VSTM2A: variants seen among roughly 807,000 people sequenced by gnomAD.
VSTM2A encodes the protein V-set and transmembrane domain containing 2A.
A neutral mutation model predicts 27.3 loss-of-function variants in VSTM2A; 13 were observed. The observed-to-expected ratio is 0.48, with a 90% CI of 0.31 to 0.76. VSTM2A has a LOEUF of 0.76. VSTM2A is among the 30% of genes least tolerant of loss of function. The pLI is 0.05. For missense variants in VSTM2A, 280 were observed against 310.0 expected (o/e 0.90, Z 0.73); for synonymous variants, 142 against 125.7 (o/e 1.13, Z -0.87).
intron 4 of VSTM2A, among the ~76,000 whole-genome samples, chr7:54,566,683 A>G (rs1788734587): frequency 6.6e-6 from 1 of 152,242 alleles, no homozygotes; most frequent in African/African-American, 2.4e-5. Context: ...TACTAATATG[A>G]CAAGAATAAA....
At chr7:54,542,855 G>A (rs1183857628) in intron 1 of VSTM2A, 46 bp downstream of exon 1, 1 of 1,556,848 alleles carries the variant, frequency 6.4e-7, no homozygotes, top group South Asian at 1.1e-5. Context: ...GCGTGTGTGT[G>A]TGTTTCCTAC....
intron 4 of VSTM2A, chr7:54,552,622 ACTT>A (rs1178281884): frequency 1.3e-5 from 2 of 152,156 alleles, no homozygotes; most frequent in African/African-American, 4.8e-5. Context: ...TGGAAGACAC[ACTT>A]CTTCTCCTCA....
rs557521176 is a variant in VSTM2A at position 54,569,252 on chromosome 7, C to G, written c.*33C>G. ...CACAAGGAGCGCCTGCTTCCGGAAG[C>G]ATAAATGAAGAGGCTATCACATGCT... is the stretch of plus-strand genomic sequence containing the variant. On this transcript the variant is annotated 3_prime_UTR_variant, in exon 5 of 5. Transcript: ENST00000402613. 62 of 1,551,330 alleles carry G rather than the reference C, an allele frequency of 4.0e-5. 1 individual carries two copies. The South Asian group carries it at 6.5e-4, about 16-fold the overall frequency.
At chr7:54,558,647 T>A (rs1275745505) in intron 4 of VSTM2A, 1 of 151,924 alleles carries the variant, frequency 6.6e-6, no homozygotes, top group African/African-American at 2.4e-5. Context: ...GAATAGATAT[T>A]AAAGAAAATA....
intron 4 of VSTM2A, among the ~76,000 whole-genome samples, chr7:54,553,140 GCTAA>G (rs753266211): frequency 1.1e-4 from 17 of 152,176 alleles, no homozygotes; most frequent in Non-Finnish European, 2.2e-4. Flanking sequence ...ACAAGATAAA[GCTAA>G]CTGTTATTTA....
chr7:54,564,095 G>A (rs1017050379), intron 4 of VSTM2A, among the ~76,000 whole-genome samples: 25 of 152,250 alleles, frequency 1.6e-4, no homozygotes, highest in African/African-American at 5.8e-4. Flanking sequence ...TTGAAGGGCC[G>A]CGTCTACTCG....
chr7:54,542,638 C>T lies in VSTM2A; in HGVS notation c.-93C>T, dbSNP rs2115736746. 4 of 1,143,160 alleles carry T rather than the reference C, an allele frequency of 3.5e-6. No individual in the cohort carries two copies. Among genetic ancestry groups the T allele is most frequent in the African/African-American group, 1.5e-5 (1 of 65,314 alleles). 70.8% of individuals were successfully genotyped at this position (1,143,160 alleles called of 1,614,324 possible). A position where few individuals can be genotyped will look rare whatever the true frequency, so the allele number is the denominator to read the frequency against. ...GATGTTTGCAGTGTCGCGCCCAGGG[C>T]TCTGAGACTGAGCCTGCCATCCACT... is the stretch of plus-strand genomic sequence containing the variant. On this transcript the variant is annotated 5_prime_UTR_variant, in exon 1 of 5. Coordinates refer to ENST00000402613, the MANE Select transcript of VSTM2A (RefSeq NM_001301009.2).
intron 4 of VSTM2A, among the ~76,000 whole-genome samples, chr7:54,562,424 C>G (rs938661510): frequency 3.3e-5 from 5 of 151,946 alleles, no homozygotes; most frequent in Non-Finnish European, 7.4e-5. Flanking sequence ...AGATTTTTCT[C>G]TGACAGTATT....
intron 4 of VSTM2A, chr7:54,553,796 C>A: frequency 1.9e-6 from 3 of 1,540,140 alleles, no homozygotes; most frequent in Non-Finnish European, 2.6e-6. Flanking sequence ...GACTCAACGC[C>A]CCTCCACCAT....
Position 54,542,384 on chromosome 7 carries a change from G to A in VSTM2A, c.-347G>A, listed in dbSNP as rs1002626625. On this transcript the variant is annotated 5_prime_UTR_variant, in exon 1 of 5. Transcript: ENST00000402613. ...CGCTTGCCCACTCCCCACTTCCCGA[G>A]CCGGCTCCGTGTTTAGGGAGGGCAG... 2 of 347,468 alleles carry A rather than the reference G, an allele frequency of 5.8e-6. No homozygotes were observed. Among genetic ancestry groups the A allele is most frequent in the Admixed American group, 4.5e-5 (1 of 22,050 alleles). 21.5% of individuals were successfully genotyped at this position (347,468 alleles called of 1,614,324 possible).
At chr7:54,551,859 A>G (rs1190081435) in intron 4 of VSTM2A, 1 of 152,208 alleles carries the variant, frequency 6.6e-6, no homozygotes, top group Non-Finnish European at 1.5e-5. Flanking sequence ...TCCAAGTTAG[A>G]TGTCATCAAT....
At chr7:54,563,353 A>G (rs761151136) in intron 4 of VSTM2A, among the ~76,000 whole-genome samples, 3 of 152,188 alleles carry the variant, frequency 2.0e-5, no homozygotes, top group Non-Finnish European at 4.4e-5. Context: ...CAGTAAAATG[A>G]TTATGATTAC....
intron 1 of VSTM2A, 23 bp downstream of exon 1, chr7:54,542,832 T>C: frequency 6.2e-7 from 1 of 1,605,054 alleles, no homozygotes. Flanking sequence ...CAATGGCAAA[T>C]ATACATTTGC....
chr7:54,544,096 T>A (rs1397290875), intron 1 of VSTM2A, among the ~76,000 whole-genome samples: 1 of 152,244 alleles, frequency 6.6e-6, no homozygotes, highest in Non-Finnish European at 1.5e-5. Context: ...GTGTGCAACT[T>A]GTTTCACTGC....
At chr7:54,545,737 G>T (rs1043626027) in intron 2 of VSTM2A, among the ~76,000 whole-genome samples, 1 of 119,356 alleles carries the variant, frequency 8.4e-6, no homozygotes, top group African/African-American at 3.5e-5. Context: ...AAAAGGGAGA[G>T]AGGGAAGGGA....
chr7:54,561,187 AG>A (rs1788551357), intron 4 of VSTM2A, among the ~76,000 whole-genome samples: 1 of 152,230 alleles, frequency 6.6e-6, no homozygotes, highest in East Asian at 1.9e-4. Flanking sequence ...AAATATTATA[AG>A]GGTTGTGAAG....
At chr7:54,542,896 A>G in intron 1 of VSTM2A, 87 bp downstream of exon 1, 2 of 1,281,594 alleles carry the variant, frequency 1.6e-6, no homozygotes, top group Non-Finnish European at 2.2e-6. Flanking sequence ...CAGATAGAAT[A>G]AGCTTCCTAG....
In VSTM2A at chr7:54,550,107, C is replaced by G. The variant is rs1385412851; in HGVS notation, c.571C>G (p.Arg191Gly). 6.8e-6 allele frequency: 11 copies of G among 1,607,786 alleles called. No homozygotes were observed. Among genetic ancestry groups the G allele is most frequent in the Non-Finnish European group, 8.5e-6 (10 of 1,177,128 alleles). The change falls in exon 4 of 5, where the codon CGA becomes GGA. Residue 191 changes from arginine (R) to glycine (G), a missense_variant. Arg to Gly is a moderately radical substitution (Grantham distance 125). Coordinates refer to ENST00000402613, the MANE Select transcript of VSTM2A (RefSeq NM_001301009.2). Reference sequence around the variant, plus strand: ...CAGCATCCATGGCTCTGCCAACCAACGAACGCACTCCACCTCCAGCCCTCA... The same window carrying G: ...CAGCATCCATGGCTCTGCCAACCAAGGAACGCACTCCACCTCCAGCCCTCA... The part of the protein sequence containing the change: ...PSSIHGSANQ[R>G]THSTSSPQVV...
At chr7:54,561,374 G>T (rs886752560) in intron 4 of VSTM2A, among the ~76,000 whole-genome samples, 1 of 132,642 alleles carries the variant, frequency 7.5e-6, no homozygotes, top group Non-Finnish European at 1.6e-5. Flanking sequence ...ATGTAATTTG[G>T]TGAACGTTTA....
Sources: allele counts gnomAD v4.1 joint callset (sites outside exome capture counted in the v4.1 genomes callset), GRCh38; gene constraint gnomAD v4.1.1; transcripts MANE v1.5; gene names NCBI Gene and HGNC (gene_info 2026-07-23, HGNC 2026-07-21).